APP: variants seen among roughly 807,000 people sequenced by gnomAD.
The protein encoded by APP is amyloid beta precursor protein.
Under a neutral mutation model 101.4 loss-of-function variants are expected in APP, and 31 were observed. That is an observed-to-expected ratio of 0.31 (90% CI 0.23 to 0.41). The LOEUF is 0.41. APP is among the 10% of genes least tolerant of loss of function. The probability of loss-of-function intolerance (pLI) is 1.00; values close to 1 mark genes in which losing one functional copy is unlikely to be tolerated. For missense variants in APP, 839 were observed against 1,003.7 expected, an observed-to-expected ratio of 0.84 and a Z score of 2.22; for synonymous variants, 366 against 364.4, an observed-to-expected ratio of 1.00 and a Z score of -0.05.
intron 1 of APP, among the ~76,000 whole-genome samples, chr21:26,136,645 T>C (rs1391865897): frequency 1.3e-5 from 2 of 152,114 alleles, no homozygotes; most frequent in Admixed American, 6.5e-5. Flanking sequence ...TTTTCAGGAA[T>C]GTTATCACAA....
chr21:26,038,378 A>C (rs1250860123), intron 5 of APP, among the ~76,000 whole-genome samples: 2 of 152,226 alleles, frequency 1.3e-5, no homozygotes, highest in Non-Finnish European at 2.9e-5. Context: ...ATGATTATCA[A>C]ACCAGAGGTG....
Position 26,046,370 on chromosome 21 carries a change from A to G in APP, c.662+4630T>C, listed in dbSNP as rs1381531041. Among the ~76,000 whole-genome samples the G allele has an allele frequency of 2.0e-5, 3 of 151,608 alleles. No individual in the cohort carries two copies. In the East Asian group the frequency reaches 5.8e-4, roughly 29 times the overall value. On this transcript the variant is annotated intron_variant, in intron 5 of 17. Transcript: ENST00000346798. Reference sequence around the variant, plus strand: ...GGTTGCAGTGAGCCAAGATCACACCACTGTACTCCAGCCTGGGCAACAAGA... The same window carrying G: ...GGTTGCAGTGAGCCAAGATCACACCGCTGTACTCCAGCCTGGGCAACAAGA...
chr21:26,044,512 T>C (rs1009713850), intron 5 of APP, among the ~76,000 whole-genome samples: 2 of 152,210 alleles, frequency 1.3e-5, no homozygotes, highest in Admixed American at 6.5e-5. Flanking sequence ...AGCTCAAGAA[T>C]TGACAAGTGA....
chr21:25,928,714 A>G (rs2146384194), intron 13 of APP: 1 of 151,896 alleles, frequency 6.6e-6, no homozygotes, highest in South Asian at 2.1e-4. Flanking sequence ...TGTCTTCTAC[A>G]AACAAAAATA....
chr21:26,102,587 A>T (rs2062085886), intron 2 of APP, among the ~76,000 whole-genome samples: 1 of 151,950 alleles, frequency 6.6e-6, no homozygotes, highest in Admixed American at 6.6e-5. Flanking sequence ...TGGCCACTTT[A>T]TGCTGTTAAA....
chr21:25,975,805 A>T (rs569927223), intron 10 of APP, 149 bp downstream of exon 10: 2 of 701,618 alleles, frequency 2.9e-6, no homozygotes, highest in South Asian at 3.1e-5. Context: ...AAACAACTCA[A>T]TTACTAGACA....
intron 15 of APP, among the ~76,000 whole-genome samples, chr21:25,900,378 C>CAAAAAAAAAAAAAAAAAA: frequency 1.7e-5 from 1 of 59,470 alleles, no homozygotes; most frequent in Non-Finnish European, 3.4e-5. Flanking sequence ...ACTAAAAATA[C>CAAAAAAAAAAAAAAAAAA]AAAAAAAAAA....
At chr21:25,987,667 A>G (rs1353238636) in intron 8 of APP, among the ~76,000 whole-genome samples, 1 of 152,202 alleles carries the variant, frequency 6.6e-6, no homozygotes, top group Non-Finnish European at 1.5e-5. Flanking sequence ...ATTTTGGATG[A>G]CTAACGCCTT....
intron 6 of APP, among the ~76,000 whole-genome samples, chr21:26,014,734 A>G (rs1601211800): frequency 6.6e-6 from 1 of 152,230 alleles, no homozygotes; most frequent in South Asian, 2.1e-4. Flanking sequence ...ATAGCAATAA[A>G]TCAAATGGTA....
intron 14 of APP, 127 bp from the exon 15 acceptor site, chr21:25,905,204 C>A (rs1433854136): frequency 3.7e-6 from 3 of 806,008 alleles, no homozygotes; most frequent in South Asian, 1.5e-5. Flanking sequence ...AAAGGAGCAG[C>A]CAGAAAAGAA....
At chr21:25,882,723 A>G (rs1306403959) in intron 17 of APP, among the ~76,000 whole-genome samples, 5 of 152,142 alleles carry the variant, frequency 3.3e-5, no homozygotes, top group African/African-American at 1.2e-4. Flanking sequence ...CCTCTTTTGT[A>G]AAACCATGGT....
At chr21:26,010,838 A>AAAG (rs1432984169) in intron 6 of APP, among the ~76,000 whole-genome samples, 2 of 149,828 alleles carry the variant, frequency 1.3e-5, no homozygotes, top group East Asian at 3.9e-4. Context: ...AAAAAAAAAA[A>AAAG]AAAAGCAAAA....
intron 3 of APP, among the ~76,000 whole-genome samples, chr21:26,080,119 C>T (rs944878740): frequency 2.0e-5 from 3 of 152,082 alleles, no homozygotes; most frequent in African/African-American, 4.8e-5. Flanking sequence ...AGTGAAATTC[C>T]GTCTCAATAA....
chr21:26,059,687 G>C (rs1235827565), intron 3 of APP, among the ~76,000 whole-genome samples: 2 of 152,026 alleles, frequency 1.3e-5, no homozygotes, highest in South Asian at 4.2e-4. Flanking sequence ...TCAGGAGTTC[G>C]AGACCAGTCT....
rs529252537 is a variant in APP, at chr21:26,073,599, A to G, written c.355+16344T>C. On this transcript the variant is annotated intron_variant, in intron 3 of 17. Coordinates refer to ENST00000346798, the MANE Select transcript of APP (RefSeq NM_000484.4). Reference sequence around the variant, plus strand: ...GAGGGTGGAAGTTAAAGGAATACACAGAGTTGAATGACTGGAGTGAGGGAT... The same window carrying G: ...GAGGGTGGAAGTTAAAGGAATACACGGAGTTGAATGACTGGAGTGAGGGAT... Among the ~76,000 whole-genome samples the G allele has an allele frequency of 5.3e-5, 8 of 152,356 alleles. No homozygotes were observed. The East Asian group carries it at 1.3e-3, about 26-fold the overall frequency.
intron 8 of APP, among the ~76,000 whole-genome samples, chr21:25,992,950 A>T (rs952201824): frequency 4.6e-5 from 7 of 152,248 alleles, no homozygotes; most frequent in African/African-American, 1.7e-4. Flanking sequence ...TAAGAACAAT[A>T]GTTCAAATTT....
intron 14 of APP, among the ~76,000 whole-genome samples, chr21:25,909,266 CAAAAAAAA>C (rs35504500): frequency 1.3e-5 from 1 of 76,226 alleles, no homozygotes; most frequent in African/African-American, 4.5e-5. Context: ...GACTCCGTCT[CAAAAAAAA>C]AAAAAAAAAA....
At chr21:25,957,528 T>C (rs773136615) in intron 11 of APP, among the ~76,000 whole-genome samples, 1 of 152,184 alleles carries the variant, frequency 6.6e-6, no homozygotes, top group African/African-American at 2.4e-5. Context: ...CTGTTACCAT[T>C]ATTCATCCAA....
chr21:26,002,773 T>TA (rs1252821344), intron 6 of APP, among the ~76,000 whole-genome samples: 6 of 151,526 alleles, frequency 4.0e-5, no homozygotes, highest in Non-Finnish European at 5.9e-5. Context: ...ATTTTGGCAT[T>TA]AAAAAAAAGT....
Sources: allele counts gnomAD v4.1 joint callset (sites outside exome capture counted in the v4.1 genomes callset), GRCh38; gene constraint gnomAD v4.1.1; transcripts MANE v1.5; gene names NCBI Gene and HGNC (gene_info 2026-07-23, HGNC 2026-07-21).